SPTB: variants seen among roughly 807,000 people sequenced by gnomAD.
SPTB encodes spectrin beta chain, erythrocytic.
In SPTB, 45 loss-of-function variants were observed where a neutral mutation model predicts 256.2. That is an observed-to-expected ratio of 0.18 (90% confidence interval 0.14 to 0.23). SPTB has a LOEUF of 0.23. SPTB is among the 10% of genes least tolerant of loss of function. The probability of loss-of-function intolerance (pLI) is 1.00; values close to 1 mark genes in which losing one functional copy is unlikely to be tolerated. For missense variants in SPTB, 2,715 were observed against 3,040.4 expected, an observed-to-expected ratio of 0.89 and a Z score of 2.52; for synonymous variants, 1,231 against 1,243.1, an observed-to-expected ratio of 0.99 and a Z score of 0.21.
rs769940259 is a variant in SPTB at position 64,793,517 on chromosome 14, C to G, written c.2146G>C (p.Ala716Pro). 1.2e-6 allele frequency: 2 copies of G among 1,614,172 alleles called. No individual in the cohort carries two copies. Among genetic ancestry groups the G allele is most frequent in the Admixed American group, 3.3e-5 (2 of 60,028 alleles). The change falls in exon 14 of 36, where the codon GCC becomes CCC. Residue 716 changes from alanine to proline, a missense_variant. By Grantham distance (27) the Ala-to-Pro change is conservative. This residue lies in a region of SPTB where 2,239 missense variants were observed against 2,384.4 expected (regional missense o/e 0.94). Coordinates refer to ENST00000644917, the MANE Select transcript of SPTB (RefSeq NM_001355436.2). This position sits in a 1 kb window ranked among gnomAD's most constrained non-coding sequence, Gnocchi z 7.0. ...TGTGCCGACACCTCCTTTATGCGGGCCTCGATCTGCGGGTGCCCAAACTGC... is the reference window on the plus strand; with the variant it reads ...TGTGCCGACACCTCCTTTATGCGGGGCTCGATCTGCGGGTGCCCAAACTGC... The part of the protein sequence containing the change: ...RKQFGHPQIE[A>P]RIKEVSAQWD...
chr14:64,793,376 G>T lies in SPTB; in HGVS notation c.2287C>A (p.His763Asn). 6.2e-7 allele frequency: 1 copy of T among 1,612,678 alleles called. No individual in the cohort carries two copies. Among genetic ancestry groups the T allele is most frequent in the South Asian group, 1.1e-5 (1 of 91,092 alleles). ...ACATCTTCACCAGAGAGCAGCCGGT[G>T]GGCGTCTTGCAGCCAAGCCTTCAGG... ...DDLKAWLQDA[H>N]RLLSGEDVGQ... The change falls in exon 14 of 36, where the codon CAC (histidine) becomes AAC (asparagine). Residue 763 changes from histidine to asparagine, a missense_variant. By Grantham distance (68) the His-to-Asn change is moderately conservative. Coordinates refer to ENST00000644917, the MANE Select transcript of SPTB (RefSeq NM_001355436.2). The surrounding 1 kb of genome is among the most constrained non-coding windows in gnomAD (Gnocchi z 7.0).
rs369938822 is a variant in SPTB at position 64,825,338 on chromosome 14, C to T, written c.-51-2193G>A. On this transcript the variant is annotated intron_variant, in intron 1 of 35. Transcript: ENST00000644917. This position sits in a 1 kb window ranked among gnomAD's most constrained non-coding sequence, Gnocchi z 4.8. ...ATGATGCCAGACCTGTGCCCAAGACCACCCTTGTGCCTTTGAACAGCCTGT... is the reference window on the plus strand; with the variant it reads ...ATGATGCCAGACCTGTGCCCAAGACTACCCTTGTGCCTTTGAACAGCCTGT... 1.4e-4 allele frequency among the ~76,000 whole-genome samples: 21 copies of T among 152,324 alleles called. No homozygotes were observed. Among genetic ancestry groups the T allele is most frequent in the African/African-American group, 5.1e-4 (21 of 41,574 alleles).
intron 1 of SPTB, among the ~76,000 whole-genome samples, chr14:64,867,356 A>T (rs1209748279): frequency 6.6e-6 from 1 of 152,338 alleles, no homozygotes; most frequent in East Asian, 1.9e-4. Context: ...AGTGTCCCCA[A>T]GGACATCAGA....
chr14:64,752,250 T>A, intron 33 of SPTB: 1 of 1,347,142 alleles, frequency 7.4e-7, no homozygotes, highest in Non-Finnish European at 9.8e-7. Flanking sequence ...AGCAACAGAC[T>A]CTGTTTCCTC....
intron 5 of SPTB, 116 bp from the exon 6 acceptor site, chr14:64,801,950 A>G: frequency 9.2e-7 from 1 of 1,089,434 alleles, no homozygotes; most frequent in Non-Finnish European, 1.4e-6. Flanking sequence ...TTCTTGAGCC[A>G]GGTCACCAAG....
intron 2 of SPTB, among the ~76,000 whole-genome samples, chr14:64,813,640 G>T (rs1310089162): frequency 2.0e-5 from 3 of 152,208 alleles, no homozygotes; most frequent in Non-Finnish European, 4.4e-5. Flanking sequence ...TCCTGCCTCA[G>T]CCTCCCCAGG....
At chr14:64,766,915 T>A in intron 31 of SPTB, 114 bp from the exon 32 acceptor site, 1 of 1,327,980 alleles carries the variant, frequency 7.5e-7, no homozygotes, top group Non-Finnish European at 1.1e-6. Flanking sequence ...TAGCTCCCCC[T>A]CCAGTCAGCC....
intron 8 of SPTB, 122 bp downstream of exon 8, chr14:64,800,634 G>A: frequency 1.2e-6 from 1 of 853,392 alleles, no homozygotes; most frequent in Non-Finnish European, 2.0e-6. Flanking sequence ...GTCAGCTTTA[G>A]AGGAAGTTGG....
chr14:64,878,063 G>C (rs1370173059), intron 1 of SPTB, among the ~76,000 whole-genome samples: 1 of 152,212 alleles, frequency 6.6e-6, no homozygotes, highest in African/African-American at 2.4e-5. Flanking sequence ...AGTGGACTCT[G>C]AGTCTTCCCA....
chr14:64,856,565 T>A (rs1187032922), intron 1 of SPTB, among the ~76,000 whole-genome samples: 1 of 152,136 alleles, frequency 6.6e-6, no homozygotes, highest in African/African-American at 2.4e-5. Flanking sequence ...TCACCAAGCC[T>A]TCTTCCATTT....
chr14:64,833,014 C>T (rs562788702), intron 1 of SPTB, among the ~76,000 whole-genome samples: 28 of 152,306 alleles, frequency 1.8e-4, no homozygotes, highest in Admixed American at 1.6e-3. Context: ...AAGTTTAAAA[C>T]CCATAATAAA....
Position 64,772,987 on chromosome 14 carries a change from G to A in SPTB, c.5179-33C>T, listed in dbSNP as rs750501991. On this transcript the variant is annotated intron_variant, in intron 25 of 35. Transcript: ENST00000644917. This position sits in a 1 kb window ranked among gnomAD's most constrained non-coding sequence, Gnocchi z 5.4. ...TGGGGCAGACAGAAATGTGGTTATG[G>A]GGGGCACAGGGGTTACAGGTGTCAC... is the stretch of plus-strand genomic sequence containing the variant. 1.3e-6 allele frequency: 2 copies of A among 1,588,800 alleles called. No homozygotes were observed. The highest frequency in any genetic ancestry group is 1.7e-5 in the Admixed American group (1 of 59,346).
intron 15 of SPTB, 85 bp downstream of exon 15, chr14:64,791,634 T>C (rs906969481): frequency 1.1e-5 from 15 of 1,318,090 alleles, no homozygotes; most frequent in East Asian, 1.0e-4. Context: ...GCATACTAGG[T>C]GGACTAAATT....
In SPTB at chr14:64,799,071, A is replaced by C. The variant is rs976682624; in HGVS notation, c.1064+676T>G. On this transcript the variant is annotated intron_variant, in intron 9 of 35. Transcript: ENST00000644917. Reference sequence around the variant, plus strand: ...TAGTTATGTGTGCACACATAAATGCATGTATAGTTAGGTGTATGTGTATGA... The same window carrying C: ...TAGTTATGTGTGCACACATAAATGCCTGTATAGTTAGGTGTATGTGTATGA... 3.3e-5 allele frequency among the ~76,000 whole-genome samples: 5 copies of C among 152,138 alleles called. No individual in the cohort carries two copies. The East Asian group carries it at 9.6e-4, about 29-fold the overall frequency.
chr14:64,872,924 C>G (rs1473723099), intron 1 of SPTB, among the ~76,000 whole-genome samples: 1 of 152,198 alleles, frequency 6.6e-6, no homozygotes, highest in Non-Finnish European at 1.5e-5. Context: ...GTGAGTCATC[C>G]CCAGCCATGC....
Position 64,748,971 on chromosome 14 carries a change from C to G in SPTB, c.*335G>C, listed in dbSNP as rs1162812674. Reference sequence around the variant, plus strand: ...TTTTTTTTTGGTTGGGGGTAAGGGGCCTGTGCCCCCTCGGCTCAGGAGGAG... The same window carrying G: ...TTTTTTTTTGGTTGGGGGTAAGGGGGCTGTGCCCCCTCGGCTCAGGAGGAG... On this transcript the variant is annotated 3_prime_UTR_variant, in exon 36 of 36. Transcript: ENST00000644917. 1.4e-5 allele frequency: 3 copies of G among 217,670 alleles called. No homozygotes were observed. Among genetic ancestry groups the G allele is most frequent in the Non-Finnish European group, 2.7e-5 (3 of 112,360 alleles). 13.5% of individuals were successfully genotyped at this position (217,670 alleles called of 1,614,324 possible). A position where few individuals can be genotyped will look rare whatever the true frequency, so the allele number is the denominator to read the frequency against.
At chr14:64,799,664 T>A (rs1194474298) in intron 9 of SPTB, 83 bp downstream of exon 9, 5 of 1,524,592 alleles carry the variant, frequency 3.3e-6, no homozygotes, top group Admixed American at 3.7e-5. Flanking sequence ...ACACACTTCA[T>A]AAGGCCCAGA....
At position 64,853,157 on chromosome 14, in the gene SPTB, G is replaced by C. The variant is rs769047138; in HGVS notation, c.-52+26635C>G. Reference sequence around the variant, plus strand: ...CAGTAAAAGTCCTGGACATCCCATGGGATATCTGGGTGGAAATGCTTAACC... The same window carrying C: ...CAGTAAAAGTCCTGGACATCCCATGCGATATCTGGGTGGAAATGCTTAACC... On this transcript the variant is annotated intron_variant, in intron 1 of 35. Transcript: ENST00000644917. This position sits in a 1 kb window ranked among gnomAD's most constrained non-coding sequence, Gnocchi z 4.3. 1.1e-4 allele frequency among the ~76,000 whole-genome samples: 16 copies of C among 152,114 alleles called. No homozygotes were observed. The highest frequency in any genetic ancestry group is 2.2e-4 in the Non-Finnish European group (15 of 68,024).
At chr14:64,761,697 T>C (rs999731840) in intron 32 of SPTB, among the ~76,000 whole-genome samples, 7 of 152,154 alleles carry the variant, frequency 4.6e-5, no homozygotes, top group Admixed American at 1.3e-4. Context: ...TGAGGCTTCC[T>C]CGGGAGCTGT....
Sources: allele counts gnomAD v4.1 joint callset (sites outside exome capture counted in the v4.1 genomes callset), GRCh38; gene constraint gnomAD v4.1.1; regional missense constraint gnomAD v4.1.1; non-coding constraint Gnocchi (gnomAD v3.1); transcripts MANE v1.5; gene names NCBI Gene and HGNC (gene_info 2026-07-23, HGNC 2026-07-21).